The following KCNMA1 variants were observed in gnomAD, a reference collection of about 807,000 sequenced individuals.
KCNMA1 encodes the protein potassium calcium-activated channel subfamily M alpha 1.
KCNMA1 carries 29 observed loss-of-function variants against 140.0 expected under a neutral mutation model. The observed-to-expected ratio is 0.21, with a 90% CI of 0.15 to 0.28. KCNMA1 has a LOEUF of 0.28. KCNMA1 is among the 10% of genes least tolerant of loss of function. The pLI is 1.00. For missense variants in KCNMA1, 880 were observed against 1,602.2 expected, an observed-to-expected ratio of 0.55 and a Z score of 7.70; for synonymous variants, 612 against 611.9, an observed-to-expected ratio of 1.00 and a Z score of 0.00.
chr10:77,498,429 C>G (rs2042695367), intron 1 of KCNMA1, among the ~76,000 whole-genome samples: 1 of 152,238 alleles, frequency 6.6e-6, no homozygotes, highest in Admixed American at 6.5e-5. Flanking sequence ...AGGACAAGTC[C>G]AAGCACAGTT....
intron 5 of KCNMA1, among the ~76,000 whole-genome samples, chr10:77,124,329 A>C (rs2097688482): frequency 6.6e-6 from 1 of 152,220 alleles, no homozygotes; most frequent in African/African-American, 2.4e-5. Context: ...CAAATATAGT[A>C]GAATAAAAGC....
chr10:77,418,002 C>T (rs536769684), intron 1 of KCNMA1, among the ~76,000 whole-genome samples: 1 of 152,302 alleles, frequency 6.6e-6, no homozygotes, highest in Admixed American at 6.5e-5. Flanking sequence ...TGACCTCACC[C>T]CTTGGAAGAA....
At chr10:77,205,246 G>C (rs2043708849) in intron 3 of KCNMA1, among the ~76,000 whole-genome samples, 1 of 152,014 alleles carries the variant, frequency 6.6e-6, no homozygotes, top group African/African-American at 2.4e-5. Flanking sequence ...ATATTTTTTT[G>C]TGCTCTAGCT....
Position 76,885,361 on chromosome 10 carries a change from A to T in KCNMA1, c.*1905T>A. 1 of 983,256 alleles carries T rather than the reference A, an allele frequency of 1.0e-6. No homozygotes were observed. The highest frequency in any genetic ancestry group is 1.2e-6 in the Non-Finnish European group (1 of 828,186). The allele number at this position is 983,256 out of a possible 1,614,324, so 60.9% of individuals were successfully genotyped here. On this transcript the variant is annotated 3_prime_UTR_variant, in exon 28 of 28. Transcript: ENST00000286628. Reference sequence around the variant, plus strand: ...CCACTCATAGGGCTTGATAATTTACATGTATACAATTATTCCCCACCACAA... The same window carrying T: ...CCACTCATAGGGCTTGATAATTTACTTGTATACAATTATTCCCCACCACAA...
chr10:77,380,328 A>G (rs539170509), intron 2 of KCNMA1, among the ~76,000 whole-genome samples: 26 of 152,122 alleles, frequency 1.7e-4, no homozygotes, highest in Non-Finnish European at 3.2e-4. Context: ...CTCCCTCCGC[A>G]TGAGTCGTCT....
chr10:77,054,063 A>G (rs1035253898), intron 14 of KCNMA1, among the ~76,000 whole-genome samples: 1 of 152,180 alleles, frequency 6.6e-6, no homozygotes, highest in Non-Finnish European at 1.5e-5. Context: ...CTGTGGTAGC[A>G]ATTTTGGATA....
chr10:77,274,567 G>A (rs1040636921), intron 2 of KCNMA1, among the ~76,000 whole-genome samples: 3 of 152,156 alleles, frequency 2.0e-5, no homozygotes, highest in Admixed American at 1.3e-4. Flanking sequence ...ATAAAGCACA[G>A]ACACTAGCAG....
intron 19 of KCNMA1, chr10:76,974,326 G>T: frequency 1.9e-6 from 1 of 516,462 alleles, no homozygotes; most frequent in Non-Finnish European, 3.4e-6. Flanking sequence ...CGTTTTTTAC[G>T]GTTTTCCCTT....
At chr10:77,077,191 G>A (rs558678437) in intron 13 of KCNMA1, among the ~76,000 whole-genome samples, 9 of 152,256 alleles carry the variant, frequency 5.9e-5, no homozygotes, top group South Asian at 4.1e-4. Context: ...ATGAGTGGAC[G>A]TTTTCTTCTT....
intron 2 of KCNMA1, among the ~76,000 whole-genome samples, chr10:77,254,237 T>C (rs2060244007): frequency 6.6e-6 from 1 of 151,586 alleles, no homozygotes; most frequent in Non-Finnish European, 1.5e-5. Context: ...TTTTTTTTTT[T>C]TTTAGACAGA....
chr10:77,129,246 A>G (rs189653005), intron 5 of KCNMA1, among the ~76,000 whole-genome samples: 1 of 152,310 alleles, frequency 6.6e-6, no homozygotes, highest in East Asian at 1.9e-4. Context: ...TTTCTAATCA[A>G]GAAGATTCTA....
intron 2 of KCNMA1, among the ~76,000 whole-genome samples, chr10:77,274,887 G>A (rs1040040883): frequency 6.6e-6 from 1 of 152,180 alleles, no homozygotes; most frequent in Admixed American, 6.5e-5. Context: ...TGAGTTTTGT[G>A]GGGAGAGAAA....
At chr10:77,518,127 T>C (rs58003440) in intron 1 of KCNMA1, among the ~76,000 whole-genome samples, 23,593 of 152,188 alleles carry the variant, frequency 0.16, 2,155 homozygotes, top group Middle Eastern at 0.25. Context: ...GTTCCACTCA[T>C]TGGCCACTTC....
intron 1 of KCNMA1, among the ~76,000 whole-genome samples, chr10:77,612,653 C>T (rs2087401287): frequency 6.6e-6 from 1 of 152,124 alleles, no homozygotes; most frequent in African/African-American, 2.4e-5. Context: ...TGTGCATGCC[C>T]TACATGTATG....
chr10:77,189,162 G>A (rs1343171671), intron 3 of KCNMA1, among the ~76,000 whole-genome samples: 1 of 152,082 alleles, frequency 6.6e-6, no homozygotes, highest in Non-Finnish European at 1.5e-5. Flanking sequence ...AGATAATGGG[G>A]ATGCTGCTTA....
At chr10:77,407,595 G>C (rs187151750) in intron 1 of KCNMA1, among the ~76,000 whole-genome samples, 83 of 152,324 alleles carry the variant, frequency 5.4e-4, no homozygotes, top group African/African-American at 1.9e-3. Context: ...AAGGCACAGA[G>C]CCTGAGAGCT....
At chr10:77,585,754 C>T (rs1036590998) in intron 1 of KCNMA1, among the ~76,000 whole-genome samples, 13 of 152,314 alleles carry the variant, frequency 8.5e-5, no homozygotes, top group African/African-American at 2.9e-4. Context: ...AAAACAGGTC[C>T]TCACCACCTT....
intron 1 of KCNMA1, among the ~76,000 whole-genome samples, chr10:77,519,432 G>T (rs1324630983): frequency 6.6e-6 from 1 of 152,160 alleles, no homozygotes; most frequent in Non-Finnish European, 1.5e-5. Flanking sequence ...TGTGTTTGAA[G>T]GCCAGCCTCA....
At chr10:77,295,237 C>T (rs2074554559) in intron 2 of KCNMA1, among the ~76,000 whole-genome samples, 1 of 151,644 alleles carries the variant, frequency 6.6e-6, no homozygotes, top group Non-Finnish European at 1.5e-5. Context: ...ATCCCAGCTA[C>T]TCCAGAGGCT....
Sources: allele counts gnomAD v4.1 joint callset (sites outside exome capture counted in the v4.1 genomes callset), GRCh38; gene constraint gnomAD v4.1.1; transcripts MANE v1.5; gene names NCBI Gene and HGNC (gene_info 2026-07-23, HGNC 2026-07-21).